The following AGO3 variants were observed in gnomAD, a reference collection of about 807,000 sequenced individuals.
AGO3 encodes protein argonaute-3.
A neutral mutation model predicts 105.5 loss-of-function variants in AGO3; 16 were observed. The ratio of observed to expected loss-of-function variants is 0.15; its 90% CI spans 0.10 to 0.23. The LOEUF is 0.23. Among genes scored for constraint, AGO3 ranks in the 10% least tolerant of loss-of-function variants. The pLI, the probability that AGO3 is intolerant of heterozygous loss-of-function variation, is 1.00. For missense variants in AGO3, 534 were observed against 1,088.0 expected, an observed-to-expected ratio of 0.49 and a Z score of 7.16; for synonymous variants, 340 against 367.3, an observed-to-expected ratio of 0.93 and a Z score of 0.85.
In AGO3 at chr1:36,040,439, A is replaced by C; in HGVS notation, c.2170A>C (p.Arg724=). 6.2e-7 allele frequency: 1 copy of C among 1,614,032 alleles called. No homozygotes were observed. The highest frequency in any genetic ancestry group is 8.5e-7 in the Non-Finnish European group (1 of 1,179,944). ...ATTATTTTGTGCTGATAGGACAGAA[A>C]GGGTAATCTCACCTCTGTTGTAATA... is the stretch of plus-strand genomic sequence containing the variant. The part of the protein sequence containing the change: ...TRLFCADRTE[R]VGRSGNIPAG... The change falls in exon 16 of 19, where the codon AGG becomes CGG. Residue 724 remains arginine (R), a splice_region_variant and synonymous_variant. Coordinates refer to ENST00000373191, the MANE Select transcript of AGO3 (RefSeq NM_024852.4).
At position 36,055,844 on chromosome 1, in the gene AGO3, A is replaced by G. The variant is rs1233415889; in HGVS notation, c.*99A>G. On this transcript the variant is annotated 3_prime_UTR_variant, in exon 19 of 19. Coordinates refer to ENST00000373191, the MANE Select transcript of AGO3 (RefSeq NM_024852.4). This position sits in a 1 kb window ranked among gnomAD's most constrained non-coding sequence, Gnocchi z 4.4. Reference sequence around the variant, plus strand: ...CAATTGAGTAAGGACACCTCCAGCCATACAGAAACCAACACTGTGTGGGGG... The same window carrying G: ...CAATTGAGTAAGGACACCTCCAGCCGTACAGAAACCAACACTGTGTGGGGG... The G allele has an allele frequency of 8.5e-6, 10 of 1,182,352 alleles. No homozygotes were observed. The highest frequency in any genetic ancestry group is 1.2e-5 in the Non-Finnish European group (10 of 821,004). 73.2% of individuals were successfully genotyped at this position (1,182,352 alleles called of 1,614,324 possible).
chr1:36,022,748 A>G (rs573057116), intron 11 of AGO3, among the ~76,000 whole-genome samples: 1 of 152,222 alleles, frequency 6.6e-6, no homozygotes, highest in African/African-American at 2.4e-5. Context: ...CCTGGCCAAC[A>G]TGGTGAAACC....
intron 11 of AGO3, among the ~76,000 whole-genome samples, chr1:36,023,284 G>A (rs1054881454): frequency 1.3e-5 from 2 of 152,210 alleles, no homozygotes; most frequent in African/African-American, 4.8e-5. Flanking sequence ...TGGACACAGA[G>A]AGTCTGACTG....
At chr1:35,940,192 G>C (rs969930985) in intron 1 of AGO3, among the ~76,000 whole-genome samples, 1 of 151,980 alleles carries the variant, frequency 6.6e-6, no homozygotes, top group Non-Finnish European at 1.5e-5. Context: ...TCAGCCTCCT[G>C]AGTAGCTGGG....
chr1:36,071,025 A>G lies in AGO3; in HGVS notation c.*15280A>G, dbSNP rs1643156403. On this transcript the variant is annotated 3_prime_UTR_variant, in exon 19 of 19. Transcript: ENST00000373191. The stretch of plus-strand genomic sequence containing the variant: ...AACTCTGCGTATTAAGTTTATATAG[A>G]AAAAAATAATGTCTTTCTTTAGTGT... 6.6e-6 allele frequency: 1 copy of G among 152,144 alleles called. No individual in the cohort carries two copies. The highest frequency in any genetic ancestry group is 1.5e-5 in the Non-Finnish European group (1 of 68,022). 9.4% of individuals were successfully genotyped at this position (152,144 alleles called of 1,614,324 possible).
intron 5 of AGO3, among the ~76,000 whole-genome samples, chr1:35,987,330 A>G (rs1054545244): frequency 9.8e-5 from 14 of 143,246 alleles, no homozygotes; most frequent in African/African-American, 3.3e-4. Context: ...TCTGTCTCAG[A>G]AAAAAAAAAA....
chr1:35,955,752 G>T (rs2148759399), intron 2 of AGO3, among the ~76,000 whole-genome samples: 1 of 152,056 alleles, frequency 6.6e-6, no homozygotes, highest in East Asian at 1.9e-4. Flanking sequence ...ATACCACCAT[G>T]CCCGGCTAAT....
At chr1:36,035,656 G>T (rs1641968433) in intron 13 of AGO3, among the ~76,000 whole-genome samples, 1 of 152,098 alleles carries the variant, frequency 6.6e-6, no homozygotes, top group South Asian at 2.1e-4. Flanking sequence ...GCCCATGTTG[G>T]AGAATACTAG....
chr1:36,036,364 A>G, intron 14 of AGO3, 97 bp downstream of exon 14: 1 of 1,167,186 alleles, frequency 8.6e-7, no homozygotes, highest in East Asian at 2.4e-5. Flanking sequence ...TTTGTAGCCA[A>G]CTTTCATAAA....
chr1:36,010,829 C>T (rs1200698602), intron 9 of AGO3, among the ~76,000 whole-genome samples: 18 of 150,328 alleles, frequency 1.2e-4, no homozygotes, highest in Admixed American at 1.2e-3. Flanking sequence ...TCGCTTGAAC[C>T]CGGGAGGCGC....
At chr1:35,990,285 G>T (rs1322728155) in intron 5 of AGO3, among the ~76,000 whole-genome samples, 3 of 152,140 alleles carry the variant, frequency 2.0e-5, no homozygotes, top group African/African-American at 7.2e-5. Flanking sequence ...GAGGGGGGTG[G>T]ATCACGAGGT....
intron 11 of AGO3, among the ~76,000 whole-genome samples, chr1:36,025,440 T>C (rs1229036336): frequency 7.9e-5 from 12 of 152,016 alleles, no homozygotes; most frequent in Admixed American, 7.2e-4. Flanking sequence ...ATTTCCAATG[T>C]TTTTCAAACT....
chr1:35,991,030 C>T (rs1287978629), intron 5 of AGO3, among the ~76,000 whole-genome samples: 8 of 152,116 alleles, frequency 5.3e-5, no homozygotes, highest in Non-Finnish European at 2.9e-5. Context: ...AGGCTGGGCA[C>T]GGTGGCTCAC....
At chr1:36,001,492 GT>G (rs1640081871) in intron 5 of AGO3, among the ~76,000 whole-genome samples, 1 of 152,110 alleles carries the variant, frequency 6.6e-6, no homozygotes, top group Non-Finnish European at 1.5e-5. Context: ...ACAGTATAGT[GT>G]TTCTAATGTT....
At chr1:35,971,860 G>T (rs750060824) in intron 3 of AGO3, among the ~76,000 whole-genome samples, 164 bp from the exon 4 acceptor site, 1 of 151,808 alleles carries the variant, frequency 6.6e-6, no homozygotes, top group Non-Finnish European at 1.5e-5. Flanking sequence ...GCTGGCACGA[G>T]TAACTATGTT....
chr1:35,967,777 A>G (rs1179340825), intron 3 of AGO3, among the ~76,000 whole-genome samples: 2 of 152,210 alleles, frequency 1.3e-5, no homozygotes, highest in African/African-American at 2.4e-5. Context: ...ACAGTTATCA[A>G]GTTCATTAAA....
intron 15 of AGO3, 26 bp downstream of exon 15, chr1:36,040,010 C>A: frequency 1.3e-6 from 2 of 1,580,102 alleles, no homozygotes; most frequent in Non-Finnish European, 1.7e-6. Flanking sequence ...TCTCATCAGA[C>A]TATGGTGAAA....
chr1:36,040,044 G>C, intron 15 of AGO3, 60 bp downstream of exon 15: 1 of 1,492,746 alleles, frequency 6.7e-7, no homozygotes, highest in Non-Finnish European at 9.1e-7. Context: ...TTATAATATG[G>C]TGTCTAGTTC....
chr1:36,001,073 T>G (rs1427419562), intron 5 of AGO3, among the ~76,000 whole-genome samples: 1 of 151,802 alleles, frequency 6.6e-6, no homozygotes, highest in Non-Finnish European at 1.5e-5. Flanking sequence ...CCGTCTCCAC[T>G]AAAAATAAAA....
Sources: gnomAD v4.1 joint callset for allele counts (sites outside exome capture counted in the v4.1 genomes callset) on GRCh38, gnomAD v4.1.1 for gene constraint, Gnocchi (gnomAD v3.1) non-coding constraint, MANE v1.5 for transcripts, NCBI Gene and HGNC (gene_info 2026-07-23, HGNC 2026-07-21) for gene names.